The following PTGER4 variants were observed in gnomAD, a reference collection of about 807,000 sequenced individuals.
The protein encoded by PTGER4 is prostaglandin E2 receptor EP4 subtype.
In PTGER4, 11 loss-of-function variants were observed where a neutral mutation model predicts 33.2. The observed-to-expected ratio is 0.33, with a 90% CI of 0.21 to 0.55. PTGER4 has a LOEUF of 0.55. PTGER4 is among the 20% of genes least tolerant of loss of function. PTGER4 has a pLI of 0.92. For synonymous variants in PTGER4, 275 were observed against 281.5 expected, an observed-to-expected ratio of 0.98 and a Z score of 0.23; for missense variants, 481 against 650.2, an observed-to-expected ratio of 0.74 and a Z score of 2.83.
downstream of PTGER4, among the ~76,000 whole-genome samples, chr5:40,697,859 G>A (rs1051206785): frequency 4.0e-5 from 6 of 151,364 alleles, no homozygotes; most frequent in Non-Finnish European, 5.9e-5. Context: ...CAGGTACAGC[G>A]GCTCACACCT....
chr5:40,716,065 T>C, the PTGER4 span: 2 of 1,192,492 alleles, frequency 1.7e-6, no homozygotes, highest in Non-Finnish European at 1.2e-6. Flanking sequence ...CTCCTATCTA[T>C]CTCCAGAGTA....
At chr5:40,740,755 T>C in the PTGER4 span, among the ~76,000 whole-genome samples, 2 of 152,178 alleles carry the variant, frequency 1.3e-5, no homozygotes, top group Non-Finnish European at 2.9e-5. Flanking sequence ...TAGACAAGCA[T>C]AGCTCTCCCA....
chr5:40,695,189 C>A (rs145507673), downstream of PTGER4, among the ~76,000 whole-genome samples: 3 of 152,148 alleles, frequency 2.0e-5, no homozygotes, highest in African/African-American at 7.2e-5. Flanking sequence ...GGCAGTGGAT[C>A]ACTTGAGGTC....
the PTGER4 span, among the ~76,000 whole-genome samples, chr5:40,717,823 G>C: frequency 6.6e-6 from 1 of 152,008 alleles, no homozygotes; most frequent in African/African-American, 2.4e-5. Context: ...CAGCACTCTG[G>C]GAGGTCAAGG....
the PTGER4 span, among the ~76,000 whole-genome samples, chr5:40,705,062 C>T: frequency 5.9e-5 from 9 of 152,022 alleles, no homozygotes; most frequent in African/African-American, 9.7e-5. Context: ...TCACATTACT[C>T]GACTTCAAAC....
At chr5:40,696,538 C>T (rs889294252), downstream of PTGER4, 11 of 374,866 alleles carry the variant, frequency 2.9e-5, no homozygotes, top group Non-Finnish European at 4.0e-5. Flanking sequence ...GGTGCTTTAG[C>T]CCCAAACTGG....
chr5:40,700,034 TTAGG>T, the PTGER4 span, among the ~76,000 whole-genome samples: 1 of 152,192 alleles, frequency 6.6e-6, no homozygotes. Flanking sequence ...TAAAGACATG[TTAGG>T]TATGTAGAAC....
chr5:40,716,621 C>T, the PTGER4 span: 1 of 650,066 alleles, frequency 1.5e-6, no homozygotes, highest in Non-Finnish European at 2.6e-6. Flanking sequence ...TCTTAATGTA[C>T]TAGAACACAA....
At chr5:40,710,023 C>G in the PTGER4 span, among the ~76,000 whole-genome samples, 1 of 152,186 alleles carries the variant, frequency 6.6e-6, no homozygotes, top group Non-Finnish European at 1.5e-5. Context: ...TAGGCAAGGA[C>G]TTCATGTCTA....
rs974388439 is a variant in PTGER4, at chr5:40,692,607, CACA to C, written c.*232_*234del. 2 of 1,288,044 alleles carry C rather than the reference CACA, an allele frequency of 1.6e-6. No homozygotes were observed. Among genetic ancestry groups the C allele is most frequent in the African/African-American group, 3.0e-5 (2 of 66,642 alleles). 79.8% of individuals were successfully genotyped at this position (1,288,044 alleles called of 1,614,324 possible). A position where few individuals can be genotyped will look rare whatever the true frequency, so the allele number is the denominator to read the frequency against. On this transcript the variant is annotated 3_prime_UTR_variant, in exon 3 of 3. Transcript: ENST00000302472. ...CCCCACTATGACAGAGGATTGTGGT[CACA>C]ACTTGATGGCTGCGAAGACCTACCC... is the stretch of plus-strand genomic sequence containing the variant.
At chr5:40,738,444 AAATACAATAC>A in the PTGER4 span, among the ~76,000 whole-genome samples, 2,961 of 83,358 alleles carry the variant, frequency 0.036, 83 homozygotes, top group South Asian at 0.042. Flanking sequence ...ATATAAAATA[AAATACAATAC>A]AATACAATAC....
At chr5:40,716,636 T>C in the PTGER4 span, 6 of 613,822 alleles carry the variant, frequency 9.8e-6, no homozygotes, top group Admixed American at 1.3e-4. Flanking sequence ...ACACAAAAGA[T>C]GGAAGCTACG....
the PTGER4 span, among the ~76,000 whole-genome samples, chr5:40,713,700 A>G: frequency 1.3e-5 from 2 of 152,196 alleles, no homozygotes; most frequent in African/African-American, 4.8e-5. Context: ...ACAATTCTCA[A>G]ACAAGAATAA....
At chr5:40,724,305 A>G in the PTGER4 span, among the ~76,000 whole-genome samples, 6 of 152,320 alleles carry the variant, frequency 3.9e-5, no homozygotes, top group East Asian at 1.9e-4. Context: ...CACTTATACG[A>G]TATCTCTAAA....
chr5:40,719,529 G>C, the PTGER4 span, among the ~76,000 whole-genome samples: 1 of 152,158 alleles, frequency 6.6e-6, no homozygotes, highest in African/African-American at 2.4e-5. Flanking sequence ...AAATGTTTTT[G>C]TGTGGACATA....
downstream of PTGER4, among the ~76,000 whole-genome samples, chr5:40,694,208 G>A (rs1313381945): frequency 3.3e-5 from 5 of 152,046 alleles, no homozygotes; most frequent in Admixed American, 3.3e-4. Context: ...GTACCACCAT[G>A]CCCAGCTAAA....
chr5:40,710,355 T>C, the PTGER4 span, among the ~76,000 whole-genome samples: 2 of 152,030 alleles, frequency 1.3e-5, no homozygotes, highest in Admixed American at 6.6e-5. Flanking sequence ...ATCAGAGAAA[T>C]GCAAATCAAA....
chr5:40,746,294 A>G, the PTGER4 span, among the ~76,000 whole-genome samples: 1 of 152,248 alleles, frequency 6.6e-6, no homozygotes, highest in Non-Finnish European at 1.5e-5. Context: ...AGGGCTAAAA[A>G]TAAATGAAGC....
the PTGER4 span, among the ~76,000 whole-genome samples, chr5:40,709,136 C>T: frequency 6.6e-6 from 1 of 152,126 alleles, no homozygotes; most frequent in African/African-American, 2.4e-5. Flanking sequence ...ACAGGGATGC[C>T]CTCTCTCACC....
Sources: gnomAD v4.1 joint callset for allele counts (sites outside exome capture counted in the v4.1 genomes callset) on GRCh38, gnomAD v4.1.1 for gene constraint, MANE v1.5 for transcripts, NCBI Gene and HGNC (gene_info 2026-07-23, HGNC 2026-07-21) for gene names.